CTNNA3: variants seen among roughly 807,000 people sequenced by gnomAD.
The protein encoded by CTNNA3 is catenin alpha-3.
Under a neutral mutation model 95.7 loss-of-function variants are expected in CTNNA3, and 76 were observed. The ratio of observed to expected loss-of-function variants is 0.79; its 90% CI spans 0.66 to 0.96. The LOEUF (loss-of-function observed/expected upper bound fraction) is 0.96, where lower values mean the gene tolerates loss of function less well. CTNNA3 is among the 40% of genes least tolerant of loss of function. The pLI is 0.00. For missense variants in CTNNA3, 1,191 were observed against 1,089.8 expected, an observed-to-expected ratio of 1.09 and a Z score of -1.31; for synonymous variants, 431 against 374.4, an observed-to-expected ratio of 1.15 and a Z score of -1.74.
At chr10:66,410,855 G>T (rs13376842) in intron 11 of CTNNA3, among the ~76,000 whole-genome samples, 20,467 of 152,086 alleles carry the variant, frequency 0.13, 1,766 homozygotes, top group African/African-American at 0.25. Context: ...GTCATAAAGT[G>T]CCTGTGTCTC....
chr10:67,500,293 G>A (rs1320716628), intron 5 of CTNNA3, among the ~76,000 whole-genome samples: 4 of 152,232 alleles, frequency 2.6e-5, no homozygotes, highest in Admixed American at 2.6e-4. Context: ...TAGTCTGAGA[G>A]ACTGTTTGTT....
intron 1 of CTNNA3, among the ~76,000 whole-genome samples, chr10:67,728,012 T>C (rs1841251106): frequency 7.1e-6 from 1 of 140,836 alleles, no homozygotes; most frequent in Non-Finnish European, 1.5e-5. Context: ...TTATGTATTA[T>C]ATATCATATA....
At chr10:66,236,941 C>T (rs975576129) in intron 13 of CTNNA3, among the ~76,000 whole-genome samples, 9 of 149,138 alleles carry the variant, frequency 6.0e-5, no homozygotes, top group African/African-American at 2.2e-4. Context: ...GTAGTGAGGC[C>T]ATGTCTCCAC....
At chr10:67,305,495 T>C (rs1211124673) in intron 5 of CTNNA3, among the ~76,000 whole-genome samples, 1 of 151,970 alleles carries the variant, frequency 6.6e-6, no homozygotes, top group Non-Finnish European at 1.5e-5. Context: ...TTGTACCCTA[T>C]GCTAACTATG....
rs1249190837 is a variant in CTNNA3, at chr10:66,135,068, G to A, written c.1885-31819C>T. On this transcript the variant is annotated intron_variant, in intron 13 of 17. Coordinates refer to ENST00000433211, the MANE Select transcript of CTNNA3 (RefSeq NM_013266.4). ...TAATGTAAGAAGAGATACTGAACTG[G>A]AATGAAAAATGATAAGAAAATATTC... Among the ~76,000 whole-genome samples the A allele has an allele frequency of 2.0e-5, 3 of 152,048 alleles. No individual in the cohort carries two copies. The East Asian group carries it at 5.8e-4, about 29-fold the overall frequency.
At chr10:67,399,684 C>G (rs144037246) in intron 5 of CTNNA3, among the ~76,000 whole-genome samples, 5 of 152,294 alleles carry the variant, frequency 3.3e-5, no homozygotes, top group African/African-American at 1.2e-4. Context: ...CTTCCCTGAT[C>G]CTGTCAACTG....
In CTNNA3 at chr10:66,318,276, A is replaced by ATATATATGTG. The variant is rs33943741; in HGVS notation, c.1733-37656_1733-37655insCACATATATA. The stretch of plus-strand genomic sequence containing the variant: ...GTTGCTGGGAGATATATATATATAT[A>ATATATATGTG]TGTGTGTGTGTGTGTGTGTGTGTGT... On this transcript the variant is annotated intron_variant, in intron 12 of 17. Coordinates refer to ENST00000433211, the MANE Select transcript of CTNNA3 (RefSeq NM_013266.4). 2.0e-3 allele frequency among the ~76,000 whole-genome samples: 274 copies of ATATATATGTG among 136,642 alleles called. 5 individuals carry two copies. Among genetic ancestry groups the ATATATATGTG allele is most frequent in the East Asian group, 6.5e-3 (30 of 4,632 alleles). 89.6% of individuals were successfully genotyped at this position (136,642 alleles called of 152,430 possible). A position where few individuals can be genotyped will look rare whatever the true frequency, so the allele number is the denominator to read the frequency against.
intron 9 of CTNNA3, among the ~76,000 whole-genome samples, chr10:66,743,342 C>T (rs1849390904): frequency 6.6e-6 from 1 of 152,150 alleles, no homozygotes; most frequent in South Asian, 2.1e-4. Flanking sequence ...CAAATTTACC[C>T]TCTGCAAATA....
chr10:65,924,155 C>T (rs2077130123), intron 17 of CTNNA3, among the ~76,000 whole-genome samples: 2 of 152,036 alleles, frequency 1.3e-5, no homozygotes, highest in Non-Finnish European at 2.9e-5. Context: ...TATTACAGCC[C>T]TAATTAAACA....
At chr10:66,670,309 C>G (rs1352763044) in intron 9 of CTNNA3, among the ~76,000 whole-genome samples, 3 of 152,114 alleles carry the variant, frequency 2.0e-5, no homozygotes, top group African/African-American at 7.2e-5. Flanking sequence ...AAGTTGCTGG[C>G]CAGCCTGGGC....
At position 65,920,477 on chromosome 10, in the gene CTNNA3, C is replaced by T; in HGVS notation, c.2541G>A (p.Met847Ile). 6.2e-7 allele frequency: 1 copy of T among 1,614,140 alleles called. No homozygotes were observed. The highest frequency in any genetic ancestry group is 8.5e-7 in the Non-Finnish European group (1 of 1,180,032). Residue 847 changes from methionine (M) to isoleucine (I), a missense_variant, in exon 18 of 18, where the codon ATG becomes ATA. Transcript: ENST00000433211. ...TTTTTGCAGGAGCCTTCATTCTCCA[C>T]ATCACAACTGGGTGCCGGGGCCCAG... is the stretch of plus-strand genomic sequence containing the variant. ...SPAGPRHPVV[M>I]WRMKAPAKKP...
At chr10:67,327,841 G>T (rs373905029) in intron 5 of CTNNA3, among the ~76,000 whole-genome samples, 87 of 152,322 alleles carry the variant, frequency 5.7e-4, no homozygotes, top group African/African-American at 1.9e-3. Flanking sequence ...GCTGGTGACT[G>T]TGTGTGTGGT....
intron 7 of CTNNA3, among the ~76,000 whole-genome samples, chr10:66,949,567 A>T (rs1848434941): frequency 6.6e-6 from 1 of 152,014 alleles, no homozygotes; most frequent in Non-Finnish European, 1.5e-5. Flanking sequence ...TCAAAATAAA[A>T]AAAAAAAAAA....
intron 7 of CTNNA3, among the ~76,000 whole-genome samples, chr10:66,803,271 G>A (rs186278266): frequency 1.7e-4 from 26 of 151,902 alleles, no homozygotes; most frequent in Admixed American, 3.3e-4. Flanking sequence ...ACAATCCGCC[G>A]TCATCAACTA....
chr10:66,464,793 G>A (rs2131857277), intron 11 of CTNNA3, among the ~76,000 whole-genome samples: 1 of 151,382 alleles, frequency 6.6e-6, no homozygotes, highest in African/African-American at 2.4e-5. Context: ...AACACCTCAG[G>A]AAAATAAGAT....
At chr10:66,250,062 T>C (rs968895252) in intron 13 of CTNNA3, among the ~76,000 whole-genome samples, 3 of 152,112 alleles carry the variant, frequency 2.0e-5, no homozygotes, top group African/African-American at 7.2e-5. Flanking sequence ...TACTATTCAG[T>C]CATAAAAATG....
Position 66,927,871 on chromosome 10 carries a change from A to T in CTNNA3, c.1048-152347T>A. 6.2e-7 allele frequency: 1 copy of T among 1,614,248 alleles called. No individual in the cohort carries two copies. The highest frequency in any genetic ancestry group is 8.5e-7 in the Non-Finnish European group (1 of 1,180,046). ...TGGGAATATATGGGAATGCAGCAGA[A>T]ATATTTGCTCCCTTGTAAACTGGCT... On this transcript the variant is annotated intron_variant, in intron 7 of 17. Coordinates refer to ENST00000433211, the MANE Select transcript of CTNNA3 (RefSeq NM_013266.4). This position sits in a 1 kb window ranked among gnomAD's most constrained non-coding sequence, Gnocchi z 4.7.
chr10:67,061,882 A>G (rs1346162623), intron 7 of CTNNA3, among the ~76,000 whole-genome samples: 1 of 152,178 alleles, frequency 6.6e-6, no homozygotes, highest in Non-Finnish European at 1.5e-5. Context: ...GTTATGTTCT[A>G]GATTCATGCA....
intron 7 of CTNNA3, among the ~76,000 whole-genome samples, chr10:67,169,605 C>G (rs1326382909): frequency 3.3e-5 from 5 of 152,154 alleles, no homozygotes; most frequent in Non-Finnish European, 7.3e-5. Flanking sequence ...GGACCCCTTC[C>G]TTACACCATA....
Sources: allele counts gnomAD v4.1 joint callset (sites outside exome capture counted in the v4.1 genomes callset), GRCh38; gene constraint gnomAD v4.1.1; non-coding constraint Gnocchi (gnomAD v3.1); transcripts MANE v1.5; gene names NCBI Gene and HGNC (gene_info 2026-07-23, HGNC 2026-07-21).